The following GRB10 variants were observed in gnomAD, a reference collection of about 807,000 sequenced individuals.
GRB10 encodes growth factor receptor bound protein 10, also known as growth factor receptor-bound protein 10.
In GRB10, 20 loss-of-function variants were observed where a neutral mutation model predicts 80.9. The observed-to-expected ratio is 0.25, with a 90% CI of 0.17 to 0.36. GRB10 has a LOEUF of 0.36. GRB10 is among the 10% of genes least tolerant of loss of function. The pLI, the probability that GRB10 is intolerant of heterozygous loss-of-function variation, is 1.00. For missense variants in GRB10, 548 were observed against 747.7 expected (o/e 0.73, Z 3.12); for synonymous variants, 291 against 291.5 (o/e 1.00, Z 0.02).
chr7:50,738,418 GACAA>G (rs926703630), intron 3 of GRB10, among the ~76,000 whole-genome samples: 2 of 152,166 alleles, frequency 1.3e-5, no homozygotes, highest in African/African-American at 4.8e-5. Context: ...TTCATCAACA[GACAA>G]ACAAAATGTG....
chr7:50,750,100 G>T (rs1310487416), intron 3 of GRB10, among the ~76,000 whole-genome samples: 1 of 152,238 alleles, frequency 6.6e-6, no homozygotes, highest in African/African-American at 2.4e-5. Context: ...CGTGAAGACA[G>T]TTGGAATGTC....
intron 11 of GRB10, among the ~76,000 whole-genome samples, chr7:50,615,577 A>C (rs1182487857): frequency 6.6e-6 from 1 of 151,680 alleles, no homozygotes; most frequent in Non-Finnish European, 1.5e-5. Context: ...GCTCCCTTTC[A>C]CCTCTGCTGG....
chr7:50,672,548 G>T (rs1438832962), intron 6 of GRB10, among the ~76,000 whole-genome samples: 1 of 152,130 alleles, frequency 6.6e-6, no homozygotes, highest in Non-Finnish European at 1.5e-5. Context: ...TTGGGCCCAA[G>T]GAACAGCACC....
intron 5 of GRB10, among the ~76,000 whole-genome samples, chr7:50,680,018 ATAAG>A (rs2061377952): frequency 1.3e-5 from 2 of 152,372 alleles, no homozygotes; most frequent in Middle Eastern, 3.4e-3. Context: ...GAGTTTGGAC[ATAAG>A]TAAGTAGAAT....
chr7:50,606,524 G>T, intron 13 of GRB10, 110 bp from the exon 14 acceptor site: 1 of 791,506 alleles, frequency 1.3e-6, no homozygotes, highest in South Asian at 1.4e-5. Flanking sequence ...AGGGAGTGAT[G>T]CCCTGTACCA....
Position 50,612,738 on chromosome 7 carries a change from T to C in GRB10, c.1194+3A>G. The C allele has an allele frequency of 6.2e-7, 1 of 1,607,854 alleles. No homozygotes were observed. Among genetic ancestry groups the C allele is most frequent in the African/African-American group, 1.3e-5 (1 of 74,920 alleles). On this transcript the variant is annotated splice_donor_region_variant and intron_variant, in intron 13 of 18. Transcript: ENST00000401949. ...TCAACACAAACCGCAAGATGTCACA[T>C]ACCTTGAGGAGTCTGAACGCTGTCA... is the stretch of plus-strand genomic sequence containing the variant.
intron 2 of GRB10, among the ~76,000 whole-genome samples, chr7:50,773,632 G>A (rs1588056072): frequency 6.6e-6 from 1 of 152,140 alleles, no homozygotes; most frequent in East Asian, 1.9e-4. Flanking sequence ...CTAGAAAACA[G>A]TTTGGCAGTT....
chr7:50,592,787 T>G lies in GRB10; in HGVS notation c.*165A>C. On this transcript the variant is annotated 3_prime_UTR_variant, in exon 19 of 19. Transcript: ENST00000401949. ...TGGGTTCACAGCAGCAAATCGTCGTTTAAGTCCAACAAACTAGTCAATCTT... is the reference window on the plus strand; with the variant it reads ...TGGGTTCACAGCAGCAAATCGTCGTGTAAGTCCAACAAACTAGTCAATCTT... 1 of 812,118 alleles carries G rather than the reference T, an allele frequency of 1.2e-6. No individual in the cohort carries two copies. Among genetic ancestry groups the G allele is most frequent in the Non-Finnish European group, 2.0e-6 (1 of 495,922 alleles). The allele number at this position is 812,118 out of a possible 1,614,324, so 50.3% of individuals were successfully genotyped here.
At chr7:50,709,841 A>C (rs748295402) in intron 4 of GRB10, among the ~76,000 whole-genome samples, 3 of 152,054 alleles carry the variant, frequency 2.0e-5, no homozygotes, top group Non-Finnish European at 4.4e-5. Context: ...CCCCAGCCAG[A>C]GCTGCTAAGT....
chr7:50,628,196 A>G (rs935856757), intron 7 of GRB10, among the ~76,000 whole-genome samples: 1 of 152,244 alleles, frequency 6.6e-6, no homozygotes, highest in Non-Finnish European at 1.5e-5. Flanking sequence ...CTCTGAATCC[A>G]GACCCATCTG....
At chr7:50,769,524 C>T (rs1446636752) in intron 2 of GRB10, among the ~76,000 whole-genome samples, 1 of 152,198 alleles carries the variant, frequency 6.6e-6, no homozygotes, top group African/African-American at 2.4e-5. Context: ...TCATGAATGT[C>T]TCACCCTCCC....
chr7:50,732,910 C>T (rs1396244505), intron 3 of GRB10, among the ~76,000 whole-genome samples: 3 of 152,086 alleles, frequency 2.0e-5, no homozygotes, highest in Non-Finnish European at 2.9e-5. Context: ...CTGTGGGCCA[C>T]GGCACCTAGT....
At chr7:50,658,408 T>C (rs1210073255) in intron 7 of GRB10, among the ~76,000 whole-genome samples, 2 of 152,190 alleles carry the variant, frequency 1.3e-5, no homozygotes, top group Non-Finnish European at 2.9e-5. Flanking sequence ...GCAAATCAGT[T>C]TGCCAAGGAA....
At chr7:50,774,749 C>T (rs1338575282) in intron 2 of GRB10, among the ~76,000 whole-genome samples, 1 of 152,072 alleles carries the variant, frequency 6.6e-6, no homozygotes, top group African/African-American at 2.4e-5. Context: ...ATCCCAATAG[C>T]CCCAATGTCT....
upstream of GRB10, among the ~76,000 whole-genome samples, chr7:50,783,441 C>CACACAT (rs2078514569): frequency 7.1e-6 from 1 of 141,620 alleles, no homozygotes; most frequent in Admixed American, 7.2e-5. Flanking sequence ...ACACCTCACA[C>CACACAT]ACACACCACA....
intron 3 of GRB10, among the ~76,000 whole-genome samples, chr7:50,750,556 C>A (rs780347158): frequency 6.6e-6 from 1 of 152,158 alleles, no homozygotes; most frequent in African/African-American, 2.4e-5. Flanking sequence ...TCTCTTGGGG[C>A]AAGACATCTA....
intron 3 of GRB10, among the ~76,000 whole-genome samples, chr7:50,749,134 G>GTTTTTTTTTTTTTTTTTTTTTTTTTTT (rs11405172): frequency 2.2e-5 from 3 of 137,902 alleles, no homozygotes; most frequent in Non-Finnish European, 4.6e-5. Context: ...TTTTTTGTTT[G>GTTTTTTTTTTTTTTTTTTTTTTTTTTT]TTTTTTTTTT....
chr7:50,753,737 AAG>A (rs1357066374), intron 3 of GRB10, among the ~76,000 whole-genome samples: 1 of 152,186 alleles, frequency 6.6e-6, no homozygotes, highest in Non-Finnish European at 1.5e-5. Context: ...CTCAAAGACT[AAG>A]TGGGAAACGA....
At chr7:50,705,684 A>C (rs982776641) in intron 4 of GRB10, among the ~76,000 whole-genome samples, 2 of 152,208 alleles carry the variant, frequency 1.3e-5, no homozygotes, top group African/African-American at 4.8e-5. Context: ...ATCGTTTTTG[A>C]AATTTTTCAG....
Sources: gnomAD v4.1 joint callset for allele counts (sites outside exome capture counted in the v4.1 genomes callset) on GRCh38, gnomAD v4.1.1 for gene constraint, MANE v1.5 for transcripts, NCBI Gene and HGNC (gene_info 2026-07-23, HGNC 2026-07-21) for gene names.